The following RTL4 variants were observed in gnomAD, a reference collection of about 807,000 sequenced individuals.
RTL4 encodes the protein retrotransposon Gag like 4, also known as retrotransposon Gag-like protein 4.
RTL4 carries 4 observed loss-of-function variants against 5.3 expected under a neutral mutation model. The ratio of observed to expected loss-of-function variants is 0.75; its 90% CI spans 0.37 to 1.72. The LOEUF is 1.72. RTL4 is among the 40% of genes most tolerant of loss of function. The pLI, the probability that RTL4 is intolerant of heterozygous loss-of-function variation, is 0.04. For synonymous variants in RTL4, 98 were observed against 87.3 expected (o/e 1.12, Z -0.68); for missense variants, 260 against 227.1 (o/e 1.14, Z -0.93).
chrX:112,215,533 T>A, the RTL4 span, among the ~76,000 whole-genome samples: 3 of 112,366 alleles, frequency 2.7e-5, no homozygotes, highest in Non-Finnish European at 5.6e-5. Context: ...TTCATATAAG[T>A]GGAGTCACAC....
chrX:112,367,453 G>T, the RTL4 span, among the ~76,000 whole-genome samples: 1 of 111,791 alleles, frequency 8.9e-6, no homozygotes, highest in Non-Finnish European at 1.9e-5. Context: ...ATGGCATTAA[G>T]TCATCAGGAA....
chrX:112,115,151 T>C, the RTL4 span, among the ~76,000 whole-genome samples: 2 of 110,637 alleles, frequency 1.8e-5, no homozygotes, highest in Non-Finnish European at 3.8e-5. Context: ...CCCACAACAG[T>C]CTTTGGACCC....
chrX:112,206,620 C>T, the RTL4 span, among the ~76,000 whole-genome samples: 1 of 105,896 alleles, frequency 9.4e-6, no homozygotes, highest in Non-Finnish European at 2.0e-5. Context: ...TTCATTGTGG[C>T]CTGCCTTCTC....
chrX:112,200,771 C>T, the RTL4 span, among the ~76,000 whole-genome samples: 14 of 111,978 alleles, frequency 1.3e-4, no homozygotes, highest in South Asian at 3.8e-4. Context: ...TGCAATCATT[C>T]GGATTAGCTC....
the RTL4 span, among the ~76,000 whole-genome samples, chrX:112,113,697 C>T: frequency 1.8e-5 from 2 of 111,567 alleles, no homozygotes; most frequent in Non-Finnish European, 3.8e-5. Context: ...GGGCAGTGCG[C>T]CTTCTAGTGA....
the RTL4 span, among the ~76,000 whole-genome samples, chrX:112,409,939 GAATT>G: frequency 0.14 from 15,375 of 107,531 alleles, 988 homozygotes; most frequent in East Asian, 0.25. Context: ...GTGGATGAAT[GAATT>G]AAAAAAAAAA....
At chrX:112,394,280 T>A in the RTL4 span, among the ~76,000 whole-genome samples, 1 of 111,689 alleles carries the variant, frequency 9.0e-6, no homozygotes, top group Non-Finnish European at 1.9e-5. Context: ...TGTACCTGAA[T>A]GTTTCAGCTG....
chrX:112,377,110 A>G, the RTL4 span, among the ~76,000 whole-genome samples: 1 of 111,592 alleles, frequency 9.0e-6, no homozygotes, highest in African/African-American at 3.3e-5. Context: ...GCAGTATGGT[A>G]AAACAACCCC....
chrX:112,231,780 C>G, the RTL4 span, among the ~76,000 whole-genome samples: 2 of 111,029 alleles, frequency 1.8e-5, no homozygotes, highest in African/African-American at 6.6e-5. Flanking sequence ...AGCAAGCTTG[C>G]TATAAGGTAA....
chrX:112,217,580 A>G, the RTL4 span, among the ~76,000 whole-genome samples: 26 of 111,917 alleles, frequency 2.3e-4, no homozygotes, highest in Middle Eastern at 9.2e-3. Flanking sequence ...TGGGGGAGTC[A>G]TAACAGGAGA....
At chrX:112,371,190 C>T in the RTL4 span, among the ~76,000 whole-genome samples, 3 of 111,001 alleles carry the variant, frequency 2.7e-5, no homozygotes, top group South Asian at 3.8e-4. Context: ...TTAAGAAAAT[C>T]AATTACCAGA....
At chrX:112,270,169 G>A in the RTL4 span, among the ~76,000 whole-genome samples, 1 of 112,011 alleles carries the variant, frequency 8.9e-6, no homozygotes. Context: ...CATCCATTGA[G>A]GTCATATCTA....
chrX:112,217,022 A>G, the RTL4 span, among the ~76,000 whole-genome samples: 1 of 112,256 alleles, frequency 8.9e-6, no homozygotes, highest in African/African-American at 3.2e-5. Context: ...GGCTCTCATT[A>G]ACATTAGAAA....
the RTL4 span, among the ~76,000 whole-genome samples, chrX:112,376,986 A>C: frequency 8.9e-6 from 1 of 112,430 alleles, no homozygotes; most frequent in African/African-American, 3.2e-5. Context: ...ATGGTAAATA[A>C]GTGGCAAGTA....
the RTL4 span, among the ~76,000 whole-genome samples, chrX:112,323,957 C>T: frequency 8.9e-6 from 1 of 111,996 alleles, no homozygotes; most frequent in Non-Finnish European, 1.9e-5. Context: ...CCAGAAAATT[C>T]ACTCGTTTAA....
At chrX:112,373,019 C>T in the RTL4 span, among the ~76,000 whole-genome samples, 3 of 111,166 alleles carry the variant, frequency 2.7e-5, no homozygotes, top group Non-Finnish European at 5.7e-5. Flanking sequence ...TGTAGATTCC[C>T]CATCTTCTTC....
chrX:112,412,181 C>T, the RTL4 span, among the ~76,000 whole-genome samples: 17 of 110,894 alleles, frequency 1.5e-4, 1 homozygote, highest in Non-Finnish European at 3.2e-4. Flanking sequence ...AACTATAAAA[C>T]ACTGGTGAAA....
chrX:112,389,013 T>C, the RTL4 span, among the ~76,000 whole-genome samples: 1 of 111,202 alleles, frequency 9.0e-6, no homozygotes, highest in Admixed American at 9.6e-5. Flanking sequence ...TTTGTACATA[T>C]GGTAGAATTT....
chrX:112,220,384 C>G, the RTL4 span, among the ~76,000 whole-genome samples: 5 of 112,619 alleles, frequency 4.4e-5, no homozygotes, highest in African/African-American at 1.6e-4. Context: ...CACCAAGTCC[C>G]AAGGCTGCAC....
Sources: allele counts gnomAD v4.1 joint callset (sites outside exome capture counted in the v4.1 genomes callset), GRCh38; gene constraint gnomAD v4.1.1; transcripts MANE v1.5; gene names NCBI Gene and HGNC (gene_info 2026-07-23, HGNC 2026-07-21).